UNC5A: variants seen among roughly 807,000 people sequenced by gnomAD.
UNC5A encodes unc-5 netrin receptor A.
UNC5A carries 20 observed loss-of-function variants against 87.4 expected under a neutral mutation model. The observed-to-expected ratio is 0.23, with a 90% CI of 0.16 to 0.33. The LOEUF (loss-of-function observed/expected upper bound fraction) is 0.33, where lower values mean the gene tolerates loss of function less well. Ranked by LOEUF, UNC5A falls within the 10% of genes least tolerant of loss-of-function variation. The pLI, the probability that UNC5A is intolerant of heterozygous loss-of-function variation, is 1.00. For synonymous variants in UNC5A, 438 were observed against 482.3 expected (o/e 0.91, Z 1.20); for missense variants, 844 against 1,133.4 (o/e 0.74, Z 3.67).
At chr5:176,873,938 C>T in intron 6 of UNC5A, 30 bp from the exon 7 acceptor site, 1 of 1,604,214 alleles carries the variant, frequency 6.2e-7, no homozygotes, top group Non-Finnish European at 8.5e-7. Context: ...TACACCCCTG[C>T]CCCCACCAAG....
intron 1 of UNC5A, among the ~76,000 whole-genome samples, chr5:176,853,096 G>A (rs999376782): frequency 2.0e-5 from 3 of 152,262 alleles, no homozygotes; most frequent in Admixed American, 6.5e-5. Context: ...GCTGTGGGAA[G>A]ATCGGAGGCA....
At position 176,873,957 on chromosome 5, in the gene UNC5A, G is replaced by C. The variant is rs775402935; in HGVS notation, c.887-11G>C. On this transcript the variant is annotated splice_polypyrimidine_tract_variant and intron_variant, in intron 6 of 14. Transcript: ENST00000329542. ...CCCCTGCCCCCACCAAGGCCATGCT[G>C]TCTCCCGCAGCTGCTTCTGGCCCTG... 1.9e-6 allele frequency: 3 copies of C among 1,611,092 alleles called. No individual in the cohort carries two copies. Among genetic ancestry groups the C allele is most frequent in the Non-Finnish European group, 1.7e-6 (2 of 1,178,942 alleles).
At chr5:176,812,188 ATG>A (rs1034800743) in intron 1 of UNC5A, among the ~76,000 whole-genome samples, 1 of 152,072 alleles carries the variant, frequency 6.6e-6, no homozygotes, top group African/African-American at 2.4e-5. Context: ...TGTCCGCCAC[ATG>A]TGTGTGTTAG....
chr5:176,822,380 C>T (rs1428553000), intron 1 of UNC5A, among the ~76,000 whole-genome samples: 2 of 152,316 alleles, frequency 1.3e-5, no homozygotes, highest in East Asian at 1.9e-4. Context: ...GCAGGATCTT[C>T]GATTGATGAA....
At chr5:176,814,162 G>T (rs1756534209) in intron 1 of UNC5A, among the ~76,000 whole-genome samples, 1 of 151,956 alleles carries the variant, frequency 6.6e-6, no homozygotes, top group Non-Finnish European at 1.5e-5. Context: ...ATCCCCCTCG[G>T]GCCTCCTCCA....
chr5:176,829,970 G>A (rs1756959890), intron 1 of UNC5A, among the ~76,000 whole-genome samples: 1 of 142,122 alleles, frequency 7.0e-6, no homozygotes, highest in Admixed American at 7.8e-5. Flanking sequence ...CACCTCTCTG[G>A]TTCAAGCAAT....
In UNC5A at chr5:176,874,611, G is replaced by A. The variant is rs1308708662; in HGVS notation, c.1378+45G>A. ...GCTCTGAGAGCTCCACTTCCCTCCTGGAGGAGGACGGGACAGCCGGACGTT... is the reference window on the plus strand; with the variant it reads ...GCTCTGAGAGCTCCACTTCCCTCCTAGAGGAGGACGGGACAGCCGGACGTT... On this transcript the variant is annotated intron_variant, in intron 8 of 14. Coordinates refer to ENST00000329542, the MANE Select transcript of UNC5A (RefSeq NM_133369.3). The surrounding 1 kb of genome is among the most constrained non-coding windows in gnomAD (Gnocchi z 7.6). 6.7e-7 allele frequency: 1 copy of A among 1,490,938 alleles called. No homozygotes were observed. The highest frequency in any genetic ancestry group is 1.4e-5 in the South Asian group (1 of 72,100). The allele number at this position is 1,490,938 out of a possible 1,614,324, so 92.4% of individuals were successfully genotyped here. A position where few individuals can be genotyped will look rare whatever the true frequency, so the allele number is the denominator to read the frequency against.
At chr5:176,850,417 G>A (rs900252247) in intron 1 of UNC5A, among the ~76,000 whole-genome samples, 1 of 152,140 alleles carries the variant, frequency 6.6e-6, no homozygotes, top group Non-Finnish European at 1.5e-5. Context: ...GGCACACTTT[G>A]GGTGGTGGGG....
At chr5:176,860,934 AGAG>A (rs1465298369) in intron 1 of UNC5A, among the ~76,000 whole-genome samples, 6 of 152,094 alleles carry the variant, frequency 3.9e-5, no homozygotes, top group Admixed American at 6.5e-5. Context: ...CCAGAGAGTG[AGAG>A]GAGGGGCAGG....
intron 1 of UNC5A, among the ~76,000 whole-genome samples, chr5:176,840,001 C>T (rs1294865076): frequency 5.9e-5 from 9 of 151,610 alleles, no homozygotes; most frequent in Admixed American, 1.3e-4. Context: ...ACTACAGGTG[C>T]GCACGCCACC....
chr5:176,813,846 G>A (rs1016234397), intron 1 of UNC5A, among the ~76,000 whole-genome samples: 1 of 152,192 alleles, frequency 6.6e-6, no homozygotes, highest in African/African-American at 2.4e-5. Context: ...CTGCTCTAGT[G>A]CTGGGCCTAG....
chr5:176,826,182 T>C (rs1427827821), intron 1 of UNC5A, among the ~76,000 whole-genome samples: 3 of 152,210 alleles, frequency 2.0e-5, no homozygotes, highest in Admixed American at 2.0e-4. Flanking sequence ...GCACATTTGC[T>C]AGGGTTAGCT....
intron 2 of UNC5A, 104 bp downstream of exon 2, chr5:176,862,949 G>A (rs772311744): frequency 1.9e-5 from 26 of 1,387,154 alleles, no homozygotes; most frequent in East Asian, 6.9e-5. Context: ...CTGGGACCCC[G>A]GAGGCCTTCC....
rs1758036323 is a variant in UNC5A at position 176,868,790 on chromosome 5, T to C, written c.547T>C (p.Trp183Arg). 1 of 1,596,944 alleles carries C rather than the reference T, an allele frequency of 6.3e-7. No individual in the cohort carries two copies. Among genetic ancestry groups the C allele is most frequent in the African/African-American group, 1.3e-5 (1 of 74,590 alleles). Residue 183 changes from tryptophan (W) to arginine (R), a missense_variant, in exon 5 of 15, where the codon TGG (tryptophan) becomes CGG (arginine). Coordinates refer to ENST00000329542, the MANE Select transcript of UNC5A (RefSeq NM_133369.3). Reference protein sequence around the residue: ...PEGIPPAEVEWLRNEDLVDPS... With the variant: ...PEGIPPAEVERLRNEDLVDPS... ...GCAGGGCTCCCTCCCCTAGGTGGAG[T>C]GGCTCCGGAACGAGGACCTGGTGGA...
intron 2 of UNC5A, chr5:176,864,816 A>G (rs760454515): frequency 1.1e-5 from 5 of 455,888 alleles, no homozygotes; most frequent in Non-Finnish European, 2.2e-5. Context: ...CTACCCTCAG[A>G]GGGAGATAGA....
At chr5:176,821,284 G>A (rs1756721993) in intron 1 of UNC5A, among the ~76,000 whole-genome samples, 1 of 152,196 alleles carries the variant, frequency 6.6e-6, no homozygotes, top group Non-Finnish European at 1.5e-5. Context: ...TCTATGTTGG[G>A]CATGTCTGGT....
intron 1 of UNC5A, among the ~76,000 whole-genome samples, chr5:176,814,154 C>A (rs1756533842): frequency 6.6e-6 from 1 of 152,206 alleles, no homozygotes; most frequent in Non-Finnish European, 1.5e-5. Flanking sequence ...CACCACCCAT[C>A]CCCCTCGGGC....
chr5:176,820,177 C>T lies in UNC5A; in HGVS notation c.70+9357C>T, dbSNP rs555972286. Among the ~76,000 whole-genome samples, 5 of 152,266 alleles carry T rather than the reference C, an allele frequency of 3.3e-5. No homozygotes were observed. In the East Asian group the frequency reaches 5.8e-4, roughly 18 times the overall value. On this transcript the variant is annotated intron_variant, in intron 1 of 14. Coordinates refer to ENST00000329542, the MANE Select transcript of UNC5A (RefSeq NM_133369.3). ...TTTTGGGAGGCCGAGGCGGGTGGAT[C>T]ACGAGGTCAGGAAATCGAGACCATC...
intron 1 of UNC5A, among the ~76,000 whole-genome samples, chr5:176,850,931 CCCAGTGCTCCCAGGACTTT>C (rs1320528396): frequency 4.1e-4 from 62 of 151,928 alleles, no homozygotes; most frequent in African/African-American, 1.0e-3. Context: ...CCCAGGACTT[CCCAGTGCTCCCAGGACTTT>C]CCAGTGCTCC....
Sources: allele counts gnomAD v4.1 joint callset (sites outside exome capture counted in the v4.1 genomes callset), GRCh38; gene constraint gnomAD v4.1.1; non-coding constraint Gnocchi (gnomAD v3.1); transcripts MANE v1.5; gene names NCBI Gene and HGNC (gene_info 2026-07-23, HGNC 2026-07-21).